Variants in ITK observed in about 807,000 individuals in gnomAD.
ITK encodes tyrosine-protein kinase ITK/TSK.
A neutral mutation model predicts 87.6 loss-of-function variants in ITK; 45 were observed. The observed-to-expected ratio is 0.51, with a 90% CI of 0.40 to 0.66. ITK has a LOEUF of 0.66. Among genes scored for constraint, ITK ranks in the 30% least tolerant of loss-of-function variants. The pLI, the probability that ITK is intolerant of heterozygous loss-of-function variation, is 0.00. For synonymous variants in ITK, 303 were observed against 273.6 expected, an observed-to-expected ratio of 1.11 and a Z score of -1.06; for missense variants, 605 against 766.3, an observed-to-expected ratio of 0.79 and a Z score of 2.48.
chr5:157,242,579 G>A (rs13168833), intron 11 of ITK, among the ~76,000 whole-genome samples: 1 of 151,912 alleles, frequency 6.6e-6, no homozygotes, highest in African/African-American at 2.4e-5. Flanking sequence ...GGGCTCAAGC[G>A]ATCCTCCCAC....
chr5:157,239,945 C>A, intron 9 of ITK, 117 bp from the exon 10 acceptor site: 1 of 1,019,308 alleles, frequency 9.8e-7, no homozygotes, highest in Non-Finnish European at 1.5e-6. Context: ...TGAACAATAT[C>A]TGCCACCTTG....
chr5:157,244,028 T>C, intron 12 of ITK: 1 of 668,700 alleles, frequency 1.5e-6, no homozygotes, highest in South Asian at 1.7e-5. Flanking sequence ...CTCCAGTCCA[T>C]GACATGCCAG....
intron 7 of ITK, among the ~76,000 whole-genome samples, chr5:157,231,215 T>C (rs1580899308): frequency 6.6e-6 from 1 of 152,300 alleles, no homozygotes; most frequent in South Asian, 2.1e-4. Context: ...CCCTTCTCCA[T>C]AAAATGAATG....
intron 1 of ITK, among the ~76,000 whole-genome samples, chr5:157,205,074 G>A (rs570674518): frequency 1.3e-5 from 2 of 152,308 alleles, no homozygotes; most frequent in Admixed American, 6.5e-5. Flanking sequence ...AATCTCTTGC[G>A]ATAGTTAAGG....
At chr5:157,239,248 A>T (rs1047921584) in intron 9 of ITK, among the ~76,000 whole-genome samples, 1 of 152,228 alleles carries the variant, frequency 6.6e-6, no homozygotes, top group Non-Finnish European at 1.5e-5. Context: ...TACAAAGCAA[A>T]ATCAGCAACG....
chr5:157,200,855 A>G (rs890414971), intron 1 of ITK, among the ~76,000 whole-genome samples: 2 of 152,212 alleles, frequency 1.3e-5, no homozygotes, highest in Admixed American at 1.3e-4. Flanking sequence ...GGTAACCACT[A>G]GCACCTGAAG....
Position 157,248,975 on chromosome 5 carries a change from G to T in ITK, c.1759G>T (p.Val587Phe). 1 of 1,613,910 alleles carries T rather than the reference G, an allele frequency of 6.2e-7. No homozygotes were observed. The highest frequency in any genetic ancestry group is 8.5e-7 in the Non-Finnish European group (1 of 1,179,816). The change falls in exon 16 of 17, where the codon GTC becomes TTC. Residue 587 changes from valine (V) to phenylalanine (F), a missense_variant. Around this residue, in one of 3 missense-constraint regions of ITK, gnomAD observed 71 missense variants for 65.8 expected, o/e 1.08. Transcript: ENST00000422843. ...CAAGCCCCGGCTGGCCTCCACACAC[G>T]TCTACCAGATTATGAATCACTGCTG... Reference protein sequence around the residue: ...LYKPRLASTHVYQIMNHCWKE... With the variant: ...LYKPRLASTHFYQIMNHCWKE...
At chr5:157,252,467 C>T in intron 16 of ITK, 140 bp from the exon 17 acceptor site, 1 of 723,568 alleles carries the variant, frequency 1.4e-6, no homozygotes, top group Non-Finnish European at 2.5e-6. Flanking sequence ...ACAACTAGGA[C>T]AATGTATATG....
At chr5:157,240,020 T>C (rs1754856132) in intron 9 of ITK, 42 bp from the exon 10 acceptor site, 1 of 1,597,166 alleles carries the variant, frequency 6.3e-7, no homozygotes, top group Non-Finnish European at 8.6e-7. Flanking sequence ...GTCTCAACAT[T>C]GCTTCTTAAT....
chr5:157,191,343 A>T (rs1753750832), intron 1 of ITK, among the ~76,000 whole-genome samples: 1 of 152,124 alleles, frequency 6.6e-6, no homozygotes, highest in African/African-American at 2.4e-5. Flanking sequence ...CTGCGTCAGG[A>T]TCAACACTGA....
In ITK at chr5:157,253,454, G is replaced by A. The variant is rs956361407; in HGVS notation, c.*776G>A. On this transcript the variant is annotated 3_prime_UTR_variant, in exon 17 of 17. Transcript: ENST00000422843. Reference sequence around the variant, plus strand: ...CTCTGACGGTGGAGAACCATGTGGTGCAAGAAGAGATCTTAGGTCTCTTCT... The same window carrying A: ...CTCTGACGGTGGAGAACCATGTGGTACAAGAAGAGATCTTAGGTCTCTTCT... 1 of 225,716 alleles carries A rather than the reference G, an allele frequency of 4.4e-6. No individual in the cohort carries two copies. Among genetic ancestry groups the A allele is most frequent in the Non-Finnish European group, 8.8e-6 (1 of 113,398 alleles). 14.0% of individuals were successfully genotyped at this position (225,716 alleles called of 1,614,324 possible). A position where few individuals can be genotyped will look rare whatever the true frequency, so the allele number is the denominator to read the frequency against.
chr5:157,250,262 C>T (rs962658475), intron 16 of ITK, among the ~76,000 whole-genome samples: 1 of 152,218 alleles, frequency 6.6e-6, no homozygotes, highest in African/African-American at 2.4e-5. Context: ...CTGATCTTTT[C>T]ACTGTCTTCA....
At chr5:157,249,259 T>C (rs774290390) in intron 16 of ITK, among the ~76,000 whole-genome samples, 1 of 152,224 alleles carries the variant, frequency 6.6e-6, no homozygotes, top group Non-Finnish European at 1.5e-5. Context: ...GAGAGGAGGA[T>C]GGGGTGTGGC....
At chr5:157,246,743 G>T (rs1326092854) in intron 15 of ITK, among the ~76,000 whole-genome samples, 1 of 152,154 alleles carries the variant, frequency 6.6e-6, no homozygotes, top group East Asian at 1.9e-4. Context: ...GTCACCATTT[G>T]AAGAGCCAGG....
Position 157,253,317 on chromosome 5 carries a change from C to T in ITK, c.*639C>T, listed in dbSNP as rs1755180889. 1 of 237,958 alleles carries T rather than the reference C, an allele frequency of 4.2e-6. No individual in the cohort carries two copies. 14.7% of individuals were successfully genotyped at this position (237,958 alleles called of 1,614,324 possible). A position where few individuals can be genotyped will look rare whatever the true frequency, so the allele number is the denominator to read the frequency against. ...TGAGGTTTTACAGAGTATGCTGCTA[C>T]CTCTCTCCTTGAAGGGAGCATGGCG... On this transcript the variant is annotated 3_prime_UTR_variant, in exon 17 of 17. Transcript: ENST00000422843.
At chr5:157,201,666 T>C (rs1753977909) in intron 1 of ITK, among the ~76,000 whole-genome samples, 1 of 147,010 alleles carries the variant, frequency 6.8e-6, no homozygotes. Flanking sequence ...CACTATAAAG[T>C]GAAATGAAAT....
At chr5:157,189,914 G>A (rs886217652) in intron 1 of ITK, among the ~76,000 whole-genome samples, 14 of 152,132 alleles carry the variant, frequency 9.2e-5, no homozygotes, top group African/African-American at 2.4e-4. Context: ...ACTGGAAAAA[G>A]TAGACCTTCC....
chr5:157,252,467 C>A, intron 16 of ITK, 140 bp from the exon 17 acceptor site: 1 of 723,566 alleles, frequency 1.4e-6, no homozygotes, highest in Non-Finnish European at 2.5e-6. Flanking sequence ...ACAACTAGGA[C>A]AATGTATATG....
chr5:157,251,365 A>G (rs1021568138), intron 16 of ITK, among the ~76,000 whole-genome samples: 21 of 152,010 alleles, frequency 1.4e-4, no homozygotes, highest in Admixed American at 1.3e-3. Flanking sequence ...CTTATTGTTG[A>G]GTTTTAAGAG....
Sources: allele counts gnomAD v4.1 joint callset (sites outside exome capture counted in the v4.1 genomes callset), GRCh38; gene constraint gnomAD v4.1.1; regional missense constraint gnomAD v4.1.1; transcripts MANE v1.5; gene names NCBI Gene and HGNC (gene_info 2026-07-23, HGNC 2026-07-21).